FOXN3: variants seen among roughly 807,000 people sequenced by gnomAD.
FOXN3 encodes the protein forkhead box protein N3.
Under a neutral mutation model 38.4 loss-of-function variants are expected in FOXN3, and 7 were observed. The observed-to-expected ratio is 0.18, with a 90% CI of 0.10 to 0.34. The LOEUF is 0.34. Among genes scored for constraint, FOXN3 ranks in the 10% least tolerant of loss-of-function variants. FOXN3 has a pLI of 1.00. For synonymous variants in FOXN3, 230 were observed against 242.2 expected, an observed-to-expected ratio of 0.95 and a Z score of 0.47; for missense variants, 456 against 613.4, an observed-to-expected ratio of 0.74 and a Z score of 2.71.
intron 1 of FOXN3, among the ~76,000 whole-genome samples, chr14:89,479,289 C>CT: frequency 6.6e-6 from 1 of 152,156 alleles, no homozygotes; most frequent in Non-Finnish European, 1.5e-5. Flanking sequence ...GTTTTAAAGC[C>CT]TGTTCAGCCT....
chr14:89,603,033 T>G (rs1474636466), intron 1 of FOXN3, among the ~76,000 whole-genome samples: 1 of 152,116 alleles, frequency 6.6e-6, no homozygotes, highest in Non-Finnish European at 1.5e-5. Flanking sequence ...TTTCTTCTTC[T>G]TCCTGGGCAA....
At chr14:89,503,712 G>A (rs567352032) in intron 1 of FOXN3, among the ~76,000 whole-genome samples, 7 of 152,330 alleles carry the variant, frequency 4.6e-5, no homozygotes, top group Admixed American at 4.6e-4. Context: ...GGTTACAAGT[G>A]TGTGATTTTT....
At chr14:89,347,719 C>T (rs989104985) in intron 3 of FOXN3, among the ~76,000 whole-genome samples, 5 of 152,048 alleles carry the variant, frequency 3.3e-5, no homozygotes, top group East Asian at 1.9e-4. Context: ...TTTGGGAGGC[C>T]GAGGCGGGCG....
At chr14:89,482,350 T>C (rs984929696) in intron 1 of FOXN3, among the ~76,000 whole-genome samples, 7 of 152,130 alleles carry the variant, frequency 4.6e-5, no homozygotes, top group South Asian at 2.1e-4. Context: ...GCCGGGCACA[T>C]TGGCTCACAC....
chr14:89,333,542 C>T (rs1437656925), intron 3 of FOXN3, among the ~76,000 whole-genome samples: 1 of 150,918 alleles, frequency 6.6e-6, no homozygotes, highest in Non-Finnish European at 1.5e-5. Context: ...TGCAGATCAC[C>T]TGAGGTCAGA....
intron 1 of FOXN3, among the ~76,000 whole-genome samples, chr14:89,466,032 C>A (rs1892969737): frequency 6.6e-6 from 1 of 152,240 alleles, no homozygotes; most frequent in South Asian, 2.1e-4. Flanking sequence ...CAGCTGCCCC[C>A]CACATAAGTC....
chr14:89,303,177 C>T (rs960338132), intron 3 of FOXN3, among the ~76,000 whole-genome samples: 1 of 152,092 alleles, frequency 6.6e-6, no homozygotes, highest in South Asian at 2.1e-4. Context: ...TGCTCATGGT[C>T]CCTTGGAGAC....
At chr14:89,482,440 G>A (rs1327650297) in intron 1 of FOXN3, among the ~76,000 whole-genome samples, 1 of 152,134 alleles carries the variant, frequency 6.6e-6, no homozygotes, top group Non-Finnish European at 1.5e-5. Flanking sequence ...GAACAACATA[G>A]CAAGACCCTG....
chr14:89,579,905 A>C (rs897993960), intron 1 of FOXN3, among the ~76,000 whole-genome samples: 1 of 152,236 alleles, frequency 6.6e-6, no homozygotes, highest in African/African-American at 2.4e-5. Context: ...TACAGAGTAC[A>C]TACCCAATAA....
At chr14:89,508,184 T>G (rs577602923) in intron 1 of FOXN3, among the ~76,000 whole-genome samples, 1 of 152,290 alleles carries the variant, frequency 6.6e-6, no homozygotes, top group South Asian at 2.1e-4. Context: ...CTTCCGCATC[T>G]GGAACCACTG....
intron 1 of FOXN3, among the ~76,000 whole-genome samples, chr14:89,546,635 GCTT>G (rs757972572): frequency 9.3e-4 from 141 of 151,356 alleles, no homozygotes; most frequent in Non-Finnish European, 1.5e-3. Context: ...GGCCCCAATA[GCTT>G]CTTTTCTTAA....
chr14:89,454,348 CAAAG>C (rs1703397278), intron 1 of FOXN3, among the ~76,000 whole-genome samples: 1 of 152,260 alleles, frequency 6.6e-6, no homozygotes, highest in East Asian at 1.9e-4. Flanking sequence ...TGTCTGCAAA[CAAAG>C]AGAGTCCTCG....
At chr14:89,212,728 A>G (rs1884139025) in intron 4 of FOXN3, among the ~76,000 whole-genome samples, 1 of 152,012 alleles carries the variant, frequency 6.6e-6, no homozygotes, top group Non-Finnish European at 1.5e-5. Flanking sequence ...TTCTGCCTCA[A>G]CCCCTTAAAC....
chr14:89,485,474 T>C lies in FOXN3; in HGVS notation c.-14-72984A>G, dbSNP rs775502222. 2.7e-4 allele frequency among the ~76,000 whole-genome samples: 41 copies of C among 152,102 alleles called. 1 individual carries two copies. The highest frequency in any genetic ancestry group is 2.1e-4 in the South Asian group (1 of 4,830). On this transcript the variant is annotated intron_variant, in intron 1 of 6. Coordinates refer to the FOXN3 transcript ENST00000345097. ...CCAGGAACTGACCTCACAGAGCTCA[T>C]CCCAGGGCCCTGACAAGCCCCAAAG...
chr14:89,266,125 A>AGTATATTT (rs1885971992), intron 4 of FOXN3, among the ~76,000 whole-genome samples: 1 of 152,246 alleles, frequency 6.6e-6, no homozygotes, highest in African/African-American at 2.4e-5. Flanking sequence ...ATATTAAGTC[A>AGTATATTT]GTTCAGGCTG....
At position 89,164,517 on chromosome 14, in the gene FOXN3, A is replaced by G. The variant is rs1887189852; in HGVS notation, c.852-1548T>C. 1.3e-5 allele frequency among the ~76,000 whole-genome samples: 2 copies of G among 152,266 alleles called. No homozygotes were observed. Among genetic ancestry groups the G allele is most frequent in the South Asian group, 4.1e-4 (2 of 4,820 alleles). Reference sequence around the variant, plus strand: ...AGGGCACTCCCCACCATCATTATGAACTGTGTGGTCATGTGTCCCATTAGA... The same window carrying G: ...AGGGCACTCCCCACCATCATTATGAGCTGTGTGGTCATGTGTCCCATTAGA... On this transcript the variant is annotated intron_variant, in intron 5 of 5. Transcript: ENST00000557258. This position sits in a 1 kb window ranked among gnomAD's most constrained non-coding sequence, Gnocchi z 4.3.
chr14:89,302,466 A>G lies in FOXN3; in HGVS notation c.681-21452T>C, dbSNP rs547642360. On this transcript the variant is annotated intron_variant, in intron 3 of 5. Transcript: ENST00000557258. ...TTGTTCTGTGCTTCCCTCTTCTTTG[A>G]ATTCCTATGGCGAATAAAGAGGACC... Among the ~76,000 whole-genome samples the G allele has an allele frequency of 3.9e-5, 6 of 152,170 alleles. No individual in the cohort carries two copies. The South Asian group carries it at 1.0e-3, about 26-fold the overall frequency.
chr14:89,340,820 CAAGG>C (rs1888593446), intron 3 of FOXN3, among the ~76,000 whole-genome samples: 1 of 152,028 alleles, frequency 6.6e-6, no homozygotes, highest in Admixed American at 6.6e-5. Flanking sequence ...GTCACTAAAA[CAAGG>C]GAGGTAATTG....
At chr14:89,557,937 C>T (rs547743227) in intron 1 of FOXN3, among the ~76,000 whole-genome samples, 1 of 152,022 alleles carries the variant, frequency 6.6e-6, no homozygotes, top group African/African-American at 2.4e-5. Flanking sequence ...ACCAGGGAAG[C>T]GGAGGTTGCA....
Sources: allele counts gnomAD v4.1 joint callset (sites outside exome capture counted in the v4.1 genomes callset), GRCh38; gene constraint gnomAD v4.1.1; non-coding constraint Gnocchi (gnomAD v3.1); transcripts MANE v1.5; gene names NCBI Gene and HGNC (gene_info 2026-07-23, HGNC 2026-07-21).